Variants in AGGF1 observed in about 807,000 individuals in gnomAD.
AGGF1 encodes the protein angiogenic factor with G-patch and FHA domains 1, also known as angiogenic factor with G patch and FHA domains 1.
In AGGF1, 56 loss-of-function variants were observed where a neutral mutation model predicts 86.5. The ratio of observed to expected loss-of-function variants is 0.65; its 90% CI spans 0.52 to 0.81. AGGF1 has a LOEUF of 0.81. AGGF1 is among the 30% of genes least tolerant of loss of function. The pLI is 0.00. For synonymous variants in AGGF1, 313 were observed against 297.1 expected (o/e 1.05, Z -0.55); for missense variants, 816 against 850.9 (o/e 0.96, Z 0.51).
rs769334105 is a variant in AGGF1 at position 77,063,093 on chromosome 5, A to G, written c.1986A>G (p.Thr662=). The change falls in exon 14 of 14, where the codon ACA becomes ACG. Residue 662 remains threonine, a synonymous_variant. Coordinates refer to ENST00000312916, the MANE Select transcript of AGGF1 (RefSeq NM_018046.5). ...QLRRTHAGLG[T]GKPSSFEDVH... Reference sequence around the variant, plus strand: ...GGCGAACACATGCAGGCTTGGGGACAGGCAAACCATCCTCATTTGAAGATG... The same window carrying G: ...GGCGAACACATGCAGGCTTGGGGACGGGCAAACCATCCTCATTTGAAGATG... The G allele has an allele frequency of 6.2e-7, 1 of 1,613,996 alleles. No homozygotes were observed. The highest frequency in any genetic ancestry group is 1.3e-5 in the African/African-American group (1 of 74,916).
Position 77,063,375 on chromosome 5 carries a change from A to G in AGGF1, c.*123A>G. Reference sequence around the variant, plus strand: ...GTCACAGTTTACCTCTTCCTGATTCAGAAATGTGTATGGTTTGCAGCTTTT... The same window carrying G: ...GTCACAGTTTACCTCTTCCTGATTCGGAAATGTGTATGGTTTGCAGCTTTT... On this transcript the variant is annotated 3_prime_UTR_variant, in exon 14 of 14. Transcript: ENST00000312916. 9.5e-7 allele frequency: 1 copy of G among 1,053,540 alleles called. No individual in the cohort carries two copies. Among genetic ancestry groups the G allele is most frequent in the African/African-American group, 1.6e-5 (1 of 61,744 alleles). 65.3% of individuals were successfully genotyped at this position (1,053,540 alleles called of 1,614,324 possible). A position where few individuals can be genotyped will look rare whatever the true frequency, so the allele number is the denominator to read the frequency against.
chr5:77,059,790 A>T (rs1747521756), intron 12 of AGGF1, 47 bp downstream of exon 12: 1 of 1,608,512 alleles, frequency 6.2e-7, no homozygotes, highest in Non-Finnish European at 8.5e-7. Context: ...GTTCATAATA[A>T]CATTCATAGG....
chr5:77,035,785 C>G lies in AGGF1; in HGVS notation c.516+42C>G, dbSNP rs1177075496. The G allele has an allele frequency of 3.9e-6, 6 of 1,537,044 alleles. No homozygotes were observed. In the South Asian group the frequency reaches 5.6e-5, roughly 14 times the overall value. On this transcript the variant is annotated intron_variant, in intron 3 of 13. Transcript: ENST00000312916. ...CATGAAACTGTTGATGCCCAAGAAC[C>G]TGTCCTTCTTTGTTGTTATTATGTG...
chr5:77,056,206 T>C (rs1181251911), intron 11 of AGGF1, among the ~76,000 whole-genome samples: 3 of 151,304 alleles, frequency 2.0e-5, no homozygotes, highest in African/African-American at 7.3e-5. Context: ...GTGATGGCAG[T>C]TTGGTGGAGA....
intron 2 of AGGF1, 52 bp from the exon 3 acceptor site, chr5:77,035,489 T>A: frequency 7.1e-7 from 1 of 1,402,130 alleles, no homozygotes; most frequent in Admixed American, 1.9e-5. Flanking sequence ...TAAGTCCTTT[T>A]TATATACATT....
At chr5:77,044,251 T>G (rs1561286939) in intron 5 of AGGF1, among the ~76,000 whole-genome samples, 1 of 151,708 alleles carries the variant, frequency 6.6e-6, no homozygotes, top group Non-Finnish European at 1.5e-5. Context: ...TAGGTTGTAG[T>G]GAGCCGAGAT....
At chr5:77,033,143 G>C (rs1331358555) in intron 1 of AGGF1, among the ~76,000 whole-genome samples, 1 of 152,190 alleles carries the variant, frequency 6.6e-6, no homozygotes, top group Non-Finnish European at 1.5e-5. Context: ...CTCCTAGTCA[G>C]CCTCCCTTGG....
intron 11 of AGGF1, among the ~76,000 whole-genome samples, chr5:77,057,293 A>T (rs2150734797): frequency 6.6e-6 from 1 of 152,366 alleles, no homozygotes; most frequent in Non-Finnish European, 1.5e-5. Flanking sequence ...AAAGACCAGT[A>T]AACAAATGTT....
At chr5:77,034,669 C>T (rs878979211) in intron 2 of AGGF1, 149 bp downstream of exon 2, 18 of 657,754 alleles carry the variant, frequency 2.7e-5, no homozygotes, top group Non-Finnish European at 3.9e-5. Flanking sequence ...ATGGTATTTT[C>T]GGATAATCAA....
rs770817093 is a variant in AGGF1 at position 77,048,240 on chromosome 5, C to T, written c.1281C>T (p.Ile427=). ...SPVLQIGSLF[I]ITAVNPATIG... ...TGTTGCAGATAGGATCACTCTTTAT[C>T]ATTACTGCTGTAAACCCTGCTACAA... Residue 427 remains isoleucine (I), a synonymous_variant, in exon 7 of 14, where the codon ATC becomes ATT. Coordinates refer to ENST00000312916, the MANE Select transcript of AGGF1 (RefSeq NM_018046.5). 5 of 1,613,056 alleles carry T rather than the reference C, an allele frequency of 3.1e-6. No homozygotes were observed. The highest frequency in any genetic ancestry group is 2.7e-5 in the African/African-American group (2 of 75,022).
intron 6 of AGGF1, 152 bp downstream of exon 6, chr5:77,046,829 G>A: frequency 1.3e-6 from 1 of 782,936 alleles, no homozygotes; most frequent in Non-Finnish European, 2.1e-6. Context: ...TTGCCACTTG[G>A]TTATTCTTAG....
rs1318911926 is a variant in AGGF1 at position 77,030,498 on chromosome 5, G to C, written c.-269G>C. The C allele has an allele frequency of 1.4e-5, 9 of 651,440 alleles. No individual in the cohort carries two copies. Among genetic ancestry groups the C allele is most frequent in the South Asian group, 1.1e-4 (7 of 66,334 alleles). The allele number at this position is 651,440 out of a possible 1,614,324, so 40.4% of individuals were successfully genotyped here. The stretch of plus-strand genomic sequence containing the variant: ...CGACGCTCCTCCCTCTGTCTCTGTA[G>C]CTGGAGAAGGTAGTTTCCAGGAAAG... On this transcript the variant is annotated 5_prime_UTR_variant, in exon 1 of 14. Coordinates refer to ENST00000312916, the MANE Select transcript of AGGF1 (RefSeq NM_018046.5).
At chr5:77,039,821 C>A in intron 5 of AGGF1, 102 bp downstream of exon 5, 2 of 989,338 alleles carry the variant, frequency 2.0e-6, no homozygotes, top group Non-Finnish European at 3.0e-6. Flanking sequence ...CTCTGCATTT[C>A]AAACATACCC....
At chr5:77,038,297 G>A (rs1320970642) in intron 4 of AGGF1, among the ~76,000 whole-genome samples, 2 of 152,122 alleles carry the variant, frequency 1.3e-5, no homozygotes, top group Admixed American at 1.3e-4. Flanking sequence ...GAAAACAATA[G>A]TTTCAAGTAG....
rs1292456555 is a variant in AGGF1, at chr5:77,052,959, A to G, written c.1467+152A>G. 8.4e-6 allele frequency: 6 copies of G among 710,654 alleles called. No individual in the cohort carries two copies. The Admixed American group carries it at 1.4e-4, about 16-fold the overall frequency. The allele number at this position is 710,654 out of a possible 1,614,324, so 44.0% of individuals were successfully genotyped here. ...AGGAATTTCCAGAAAGGCTGAAAAA[A>G]GTGTATAATCAGTGGGTACTTACTT... On this transcript the variant is annotated intron_variant, in intron 9 of 13. Transcript: ENST00000312916.
At chr5:77,057,627 A>G (rs1466036191) in intron 11 of AGGF1, among the ~76,000 whole-genome samples, 1 of 152,212 alleles carries the variant, frequency 6.6e-6, no homozygotes, top group African/African-American at 2.4e-5. Flanking sequence ...AGTGAGCAAG[A>G]GATGACAGAA....
intron 8 of AGGF1, among the ~76,000 whole-genome samples, chr5:77,051,869 A>C (rs1270967429): frequency 6.6e-6 from 1 of 152,212 alleles, no homozygotes; most frequent in Non-Finnish European, 1.5e-5. Flanking sequence ...ATTCAGCAAA[A>C]TGAATGAACG....
At chr5:77,032,252 T>TAAAAAA (rs35068401) in intron 1 of AGGF1, among the ~76,000 whole-genome samples, 4,649 of 107,526 alleles carry the variant, frequency 0.043, 259 homozygotes, top group Non-Finnish European at 0.065. Flanking sequence ...ACAAATATGG[T>TAAAAAA]AAAAAAAAAA....
At chr5:77,050,806 A>T (rs1481699889) in intron 8 of AGGF1, among the ~76,000 whole-genome samples, 1 of 152,202 alleles carries the variant, frequency 6.6e-6, no homozygotes, top group Non-Finnish European at 1.5e-5. Context: ...AGTTCATGCA[A>T]ATTTATGTTT....
Sources: gnomAD v4.1 joint callset for allele counts (sites outside exome capture counted in the v4.1 genomes callset) on GRCh38, gnomAD v4.1.1 for gene constraint, MANE v1.5 for transcripts, NCBI Gene and HGNC (gene_info 2026-07-23, HGNC 2026-07-21) for gene names.